The following SRSF3 variants were observed in gnomAD, a reference collection of about 807,000 sequenced individuals.
SRSF3 encodes the protein serine and arginine rich splicing factor 3, also known as serine/arginine-rich splicing factor 3.
For missense variants in SRSF3, 58 were observed against 217.1 expected, an observed-to-expected ratio of 0.27 and a Z score of 4.61; for synonymous variants, 87 against 73.6, an observed-to-expected ratio of 1.18 and a Z score of -0.93.
At position 36,601,001 on chromosome 6, in the gene SRSF3, C is replaced by CTTTTTTTTTTTTTTTT. The variant is rs775227806; in HGVS notation, c.342-141_342-126dup. ...GCCTTTTTTTTCTTTTCTTTTTTTTCTTTTTTTTTTTTTTTTTTTTTTTTT... is the reference window on the plus strand; with the variant it reads ...GCCTTTTTTTTCTTTTCTTTTTTTTCTTTTTTTTTTTTTTTTTTTTTTTTTTTTTTTTTTTTTTTTT... On this transcript the variant is annotated intron_variant, in intron 3 of 5. Transcript: ENST00000373715. 345 of 86,478 alleles carry CTTTTTTTTTTTTTTTT rather than the reference C, an allele frequency of 4.0e-3. 65 individuals carry two copies. Among genetic ancestry groups the CTTTTTTTTTTTTTTTT allele is most frequent in the South Asian group, 6.4e-3 (38 of 5,956 alleles). The allele number at this position is 86,478 out of a possible 1,614,324, so 5.4% of individuals were successfully genotyped here.
At chr6:36,601,290 C>A in intron 4 of SRSF3, 100 bp downstream of exon 4, 1 of 1,171,764 alleles carries the variant, frequency 8.5e-7, no homozygotes, top group Non-Finnish European at 1.2e-6. Flanking sequence ...TAAACCTTGG[C>A]TTTAATAGTG....
At chr6:36,598,065 C>A (rs961931190) in intron 2 of SRSF3, among the ~76,000 whole-genome samples, 2 of 152,056 alleles carry the variant, frequency 1.3e-5, no homozygotes, top group Non-Finnish European at 2.9e-5. Context: ...ATGGTTCTGT[C>A]TTGTCTTGAA....
chr6:36,597,150 G>A, intron 2 of SRSF3, 182 bp downstream of exon 2: 1 of 614,698 alleles, frequency 1.6e-6, no homozygotes, highest in South Asian at 2.0e-5. Flanking sequence ...CTGTCACTGG[G>A]CTGGAGTGCA....
intron 1 of SRSF3, among the ~76,000 whole-genome samples, chr6:36,594,990 C>A (rs1253819172): frequency 6.6e-6 from 1 of 152,164 alleles, no homozygotes; most frequent in Non-Finnish European, 1.5e-5. Flanking sequence ...GTTCTTTCAT[C>A]GCTTCCCATT....
At chr6:36,597,097 CT>C (rs35760494) in intron 2 of SRSF3, 129 bp downstream of exon 2, 40,036 of 352,374 alleles carry the variant, frequency 0.11, 4 homozygotes, top group South Asian at 0.15. Flanking sequence ...CAATTGGGAT[CT>C]TTTTTTTTTT....
rs1778747977 is a variant in SRSF3, at chr6:36,603,149, C to T, written c.*1160C>T. 4.5e-6 allele frequency: 1 copy of T among 223,238 alleles called. No homozygotes were observed. Among genetic ancestry groups the T allele is most frequent in the East Asian group, 6.5e-5 (1 of 15,308 alleles). The allele number at this position is 223,238 out of a possible 1,614,324, so 13.8% of individuals were successfully genotyped here. A position where few individuals can be genotyped will look rare whatever the true frequency, so the allele number is the denominator to read the frequency against. ...TAGTGACCAACATTTTAAAGTATAG[C>T]AGCAACCTGGTTCTTAAACACAAAG... is the stretch of plus-strand genomic sequence containing the variant. On this transcript the variant is annotated 3_prime_UTR_variant, in exon 6 of 6. Transcript: ENST00000373715.
chr6:36,602,036 AC>A lies in SRSF3; in HGVS notation c.*48del, dbSNP rs1467568834. Reference sequence around the variant, plus strand: ...GGTGTACAGGAAATTACTTCATTTGACAGGAGTATGTACAGAAAATTCAAGT... The same window carrying A: ...GGTGTACAGGAAATTACTTCATTTGAAGGAGTATGTACAGAAAATTCAAGT... On this transcript the variant is annotated 3_prime_UTR_variant, in exon 6 of 6. Coordinates refer to ENST00000373715, the MANE Select transcript of SRSF3 (RefSeq NM_003017.5). The A allele has an allele frequency of 6.4e-7, 1 of 1,573,148 alleles. No homozygotes were observed. The highest frequency in any genetic ancestry group is 1.4e-5 in the African/African-American group (1 of 71,678).
intron 3 of SRSF3, 56 bp from the exon 4 acceptor site, chr6:36,601,096 C>T (rs765523863): frequency 1.3e-5 from 20 of 1,511,702 alleles, no homozygotes; most frequent in Non-Finnish European, 1.8e-5. Context: ...TGGGAAATGC[C>T]TCACGCCATA....
chr6:36,601,334 A>G, intron 4 of SRSF3, 144 bp downstream of exon 4: 1 of 771,600 alleles, frequency 1.3e-6, no homozygotes, highest in South Asian at 1.8e-5. Context: ...GCTTTCTTTG[A>G]GTTTTCAAAG....
chr6:36,603,822 C>T lies in SRSF3; in HGVS notation c.*1833C>T, dbSNP rs1237311587. 4.3e-6 allele frequency: 1 copy of T among 231,500 alleles called. No individual in the cohort carries two copies. The highest frequency in any genetic ancestry group is 6.1e-5 in the East Asian group (1 of 16,310). The allele number at this position is 231,500 out of a possible 1,614,324, so 14.3% of individuals were successfully genotyped here. A position where few individuals can be genotyped will look rare whatever the true frequency, so the allele number is the denominator to read the frequency against. On this transcript the variant is annotated 3_prime_UTR_variant, in exon 6 of 6. Transcript: ENST00000373715. ...AATTACATTGCTTTTTATAAATGGA[C>T]AACTTATGTGGGCATTTTTGGGCAG...
intron 2 of SRSF3, among the ~76,000 whole-genome samples, chr6:36,598,198 CAAGGAT>C (rs1000010768): frequency 6.6e-6 from 1 of 152,108 alleles, no homozygotes; most frequent in Non-Finnish European, 1.5e-5. Context: ...ACTTGTTTTT[CAAGGAT>C]AAATGGATCT....
At chr6:36,598,553 T>G in intron 2 of SRSF3, 1 of 266,752 alleles carries the variant, frequency 3.7e-6, no homozygotes, top group East Asian at 8.8e-5. Flanking sequence ...CTGGCTATTT[T>G]TTGTATTTTT....
intron 1 of SRSF3, among the ~76,000 whole-genome samples, 187 bp from the exon 2 acceptor site, chr6:36,596,574 C>CGGGGGGGGGGGGGGGGGGGGGGGGGGGG (rs34650091): frequency 1.1e-5 from 1 of 91,960 alleles, no homozygotes; most frequent in African/African-American, 4.9e-5. Context: ...GGCGGGGTGG[C>CGGGGGGGGGGGGGGGGGGGGGGGGGGGG]GGGGGGGGGG....
chr6:36,596,665 C>A, intron 1 of SRSF3, 96 bp from the exon 2 acceptor site: 1 of 1,094,822 alleles, frequency 9.1e-7, no homozygotes, highest in Non-Finnish European at 1.4e-6. Flanking sequence ...CTACCTTAAA[C>A]TCTCTTGTCC....
At chr6:36,597,949 CCTCT>C (rs766719175) in intron 2 of SRSF3, among the ~76,000 whole-genome samples, 1 of 152,132 alleles carries the variant, frequency 6.6e-6, no homozygotes, top group East Asian at 1.9e-4. Flanking sequence ...CCTGCCTCAG[CCTCT>C]CTGAGTGCTG....
rs774489441 is a variant in SRSF3, at chr6:36,598,888, T to C, written c.246T>C (p.Asn82=). 6 of 1,613,686 alleles carry C rather than the reference T, an allele frequency of 3.7e-6. No individual in the cohort carries two copies. The highest frequency in any genetic ancestry group is 1.7e-5 in the Admixed American group (1 of 59,980). The change falls in exon 3 of 6, where the codon AAT becomes AAC. Residue 82 remains asparagine, a synonymous_variant. Coordinates refer to ENST00000373715, the MANE Select transcript of SRSF3 (RefSeq NM_003017.5). ...GCCGTGTAAGAGTGGAACTGTCGAA[T>C]GGTGAAAAAAGAAGTAGAAATCGTG... ...CGCRVRVELS[N]GEKRSRNRGP...
intron 1 of SRSF3, among the ~76,000 whole-genome samples, chr6:36,596,442 GT>G (rs1326543418): frequency 6.6e-6 from 1 of 151,878 alleles, no homozygotes; most frequent in African/African-American, 2.4e-5. Context: ...AACAGGTTAA[GT>G]CTCTTAACTC....
rs1046106341 is a variant in SRSF3 at position 36,604,758 on chromosome 6, G to C, written c.*2769G>C. ...TTTGTTGAAGAGGTATTTCAGAATAGATACAGCCAGACTCCAGGCTCATTG... is the reference window on the plus strand; with the variant it reads ...TTTGTTGAAGAGGTATTTCAGAATACATACAGCCAGACTCCAGGCTCATTG... On this transcript the variant is annotated 3_prime_UTR_variant, in exon 6 of 6. Coordinates refer to ENST00000373715, the MANE Select transcript of SRSF3 (RefSeq NM_003017.5). 2 of 152,392 alleles carry C rather than the reference G, an allele frequency of 1.3e-5. No individual in the cohort carries two copies. The highest frequency in any genetic ancestry group is 4.8e-5 in the African/African-American group (2 of 41,462). The allele number at this position is 152,392 out of a possible 1,614,324, so 9.4% of individuals were successfully genotyped here.
At position 36,602,058 on chromosome 6, in the gene SRSF3, CAA is replaced by C; in HGVS notation, c.*70_*71del. Reference sequence around the variant, plus strand: ...TTGACAGGAGTATGTACAGAAAATTCAAGTTTTGTTTGAGACTTCATAAGCTT... The same window carrying C: ...TTGACAGGAGTATGTACAGAAAATTCGTTTTGTTTGAGACTTCATAAGCTT... On this transcript the variant is annotated 3_prime_UTR_variant, in exon 6 of 6. Transcript: ENST00000373715. The C allele has an allele frequency of 1.3e-6, 2 of 1,543,476 alleles. No individual in the cohort carries two copies. The highest frequency in any genetic ancestry group is 1.7e-6 in the Non-Finnish European group (2 of 1,153,320).
Sources: allele counts gnomAD v4.1 joint callset (sites outside exome capture counted in the v4.1 genomes callset), GRCh38; gene constraint gnomAD v4.1.1; transcripts MANE v1.5; gene names NCBI Gene and HGNC (gene_info 2026-07-23, HGNC 2026-07-21).